The following NEXMIF variants were observed in gnomAD, a reference collection of about 807,000 sequenced individuals.
NEXMIF encodes the protein neurite extension and migration factor.
A neutral mutation model predicts 62.1 loss-of-function variants in NEXMIF; 8 were observed. That is an observed-to-expected ratio of 0.13 (90% CI 0.08 to 0.23). NEXMIF has a LOEUF of 0.23. Among genes scored for constraint, NEXMIF ranks in the 10% least tolerant of loss-of-function variants. NEXMIF has a pLI of 1.00. For synonymous variants in NEXMIF, 404 were observed against 416.6 expected, an observed-to-expected ratio of 0.97 and a Z score of 0.37; for missense variants, 976 against 1,113.3, an observed-to-expected ratio of 0.88 and a Z score of 1.75.
At chrX:74,853,270 G>T (rs1372883437) in intron 1 of NEXMIF, among the ~76,000 whole-genome samples, 1 of 110,021 alleles carries the variant, frequency 9.1e-6, no homozygotes, top group Non-Finnish European at 1.9e-5. Flanking sequence ...GCTTGAGGAG[G>T]CAGTGATTGA....
intron 1 of NEXMIF, among the ~76,000 whole-genome samples, chrX:74,880,325 A>G (rs1413383593): frequency 9.0e-6 from 1 of 111,457 alleles, no homozygotes; most frequent in African/African-American, 3.3e-5. Flanking sequence ...TTCACCAGCA[A>G]TGGAACTCGT....
intron 1 of NEXMIF, among the ~76,000 whole-genome samples, chrX:74,866,233 T>C (rs1050760526): frequency 9.0e-6 from 1 of 111,505 alleles, no homozygotes; most frequent in Non-Finnish European, 1.9e-5. Context: ...AGACATGGGG[T>C]CAAAGGAGAT....
chrX:74,905,178 AAAAAC>A (rs904136298), intron 1 of NEXMIF, among the ~76,000 whole-genome samples: 1 of 112,272 alleles, frequency 8.9e-6, no homozygotes, highest in Admixed American at 9.4e-5. Context: ...GATATTGGGT[AAAAAC>A]AAAACAAAAC....
chrX:74,904,618 T>C (rs746426309), intron 1 of NEXMIF, among the ~76,000 whole-genome samples: 1 of 111,700 alleles, frequency 9.0e-6, no homozygotes, highest in African/African-American at 3.2e-5. Flanking sequence ...ATCTTCATTT[T>C]TCTTACTCTT....
At chrX:74,852,761 A>G (rs2080520599) in intron 1 of NEXMIF, among the ~76,000 whole-genome samples, 1 of 111,865 alleles carries the variant, frequency 8.9e-6, no homozygotes, top group Non-Finnish European at 1.9e-5. Context: ...ATGAAAATGG[A>G]AACGCAAGAC....
At chrX:74,846,599 G>T (rs1370632030) in intron 1 of NEXMIF, among the ~76,000 whole-genome samples, 1 of 111,981 alleles carries the variant, frequency 8.9e-6, no homozygotes, top group African/African-American at 3.2e-5. Flanking sequence ...GACACATTAG[G>T]TAAATATATT....
intron 1 of NEXMIF, among the ~76,000 whole-genome samples, chrX:74,900,793 T>C (rs1351403441): frequency 1.8e-5 from 2 of 112,406 alleles, no homozygotes; most frequent in African/African-American, 6.5e-5. Flanking sequence ...AAATGTGGTA[T>C]ATATGCACAA....
At chrX:74,841,165 T>G (rs941490808) in intron 1 of NEXMIF, among the ~76,000 whole-genome samples, 1 of 111,296 alleles carries the variant, frequency 9.0e-6, no homozygotes, top group Non-Finnish European at 1.9e-5. Context: ...TTGCAGTGTT[T>G]TGTAATTCTC....
chrX:74,844,667 C>A (rs910712143), intron 1 of NEXMIF, among the ~76,000 whole-genome samples: 1 of 111,841 alleles, frequency 8.9e-6, no homozygotes, highest in Non-Finnish European at 1.9e-5. Context: ...CTCTGTTACT[C>A]ATCTAAACCA....
At chrX:74,796,390 C>A (rs1411255619) in intron 1 of NEXMIF, among the ~76,000 whole-genome samples, 1 of 95,245 alleles carries the variant, frequency 1.0e-5, no homozygotes, top group Non-Finnish European at 2.1e-5. Flanking sequence ...CATATATTAC[C>A]CAGTTATGTC....
intron 1 of NEXMIF, among the ~76,000 whole-genome samples, chrX:74,864,954 C>T (rs974967280): frequency 9.0e-6 from 1 of 111,694 alleles, no homozygotes; most frequent in African/African-American, 3.3e-5. Context: ...GGTGATCTGC[C>T]CACCTTGGCC....
chrX:74,823,236 C>T (rs1192573929), intron 1 of NEXMIF, among the ~76,000 whole-genome samples: 2 of 111,643 alleles, frequency 1.8e-5, no homozygotes, highest in African/African-American at 3.3e-5. Flanking sequence ...TTTCTTTTAT[C>T]GAGGACAAAA....
intron 1 of NEXMIF, among the ~76,000 whole-genome samples, chrX:74,885,873 G>A (rs1315226261): frequency 8.9e-6 from 1 of 111,817 alleles, no homozygotes; most frequent in Non-Finnish European, 1.9e-5. Flanking sequence ...CAATATCCTT[G>A]ATGAACATTG....
At chrX:74,821,883 G>A (rs1366090128) in intron 1 of NEXMIF, among the ~76,000 whole-genome samples, 1 of 111,107 alleles carries the variant, frequency 9.0e-6, no homozygotes, top group African/African-American at 3.3e-5. Flanking sequence ...CCAAGTAGCT[G>A]GGACTACAGG....
Position 74,743,296 on chromosome X carries a change from G to A in NEXMIF, c.1261C>T (p.Leu421Phe), listed in dbSNP as rs1320278331. The change falls in exon 3 of 4, where the codon CTT (leucine) becomes TTT (phenylalanine). Residue 421 changes from leucine (L) to phenylalanine (F), a missense_variant. Transcript: ENST00000055682. ...AGATGGCCCTGCTTTGGATTCTTAA[G>A]TTGCTCTACTTCAGTCCCACTGCAT... ...KPCSGTEVEQ[L>F]KNPKQGHLAN... 5.0e-6 allele frequency: 6 copies of A among 1,209,804 alleles called. No homozygotes were observed. Among genetic ancestry groups the A allele is most frequent in the Non-Finnish European group, 6.7e-6 (6 of 895,049 alleles).
intron 1 of NEXMIF, among the ~76,000 whole-genome samples, chrX:74,781,527 G>A: frequency 8.9e-6 from 1 of 112,360 alleles, no homozygotes; most frequent in Admixed American, 9.4e-5. Context: ...AGGTGTATGT[G>A]AAATTTATAC....
chrX:74,855,829 C>A (rs753179040), intron 1 of NEXMIF, among the ~76,000 whole-genome samples: 3 of 112,029 alleles, frequency 2.7e-5, no homozygotes, highest in Non-Finnish European at 3.8e-5. Flanking sequence ...TGACCACTAA[C>A]CTAACCAAGC....
chrX:74,892,138 T>A (rs987146203), intron 1 of NEXMIF, among the ~76,000 whole-genome samples: 4 of 112,631 alleles, frequency 3.6e-5, no homozygotes, highest in African/African-American at 1.3e-4. Context: ...GGTTGTTTAA[T>A]GTTTAAGCCT....
chrX:74,778,922 C>G (rs779139194), intron 1 of NEXMIF, among the ~76,000 whole-genome samples: 1 of 111,778 alleles, frequency 8.9e-6, no homozygotes, highest in African/African-American at 3.3e-5. Flanking sequence ...CCACTGTGCC[C>G]GGCTGATCTC....
Sources: gnomAD v4.1 joint callset for allele counts (sites outside exome capture counted in the v4.1 genomes callset) on GRCh38, gnomAD v4.1.1 for gene constraint, MANE v1.5 for transcripts, NCBI Gene and HGNC (gene_info 2026-07-23, HGNC 2026-07-21) for gene names.